Variants in MS4A7 observed in about 807,000 individuals in gnomAD.
MS4A7 encodes membrane spanning 4-domains A7.
Under a neutral mutation model 23.5 loss-of-function variants are expected in MS4A7, and 21 were observed. The observed-to-expected ratio is 0.89, with a 90% confidence interval of 0.63 to 1.29. MS4A7 has a LOEUF of 1.29. Among genes scored for constraint, MS4A7 ranks in the 50% most tolerant of loss-of-function variants. The probability of loss-of-function intolerance (pLI) is 0.00; values close to 1 mark genes in which losing one functional copy is unlikely to be tolerated. For synonymous variants in MS4A7, 111 were observed against 107.4 expected (o/e 1.03, Z -0.21); for missense variants, 263 against 274.2 (o/e 0.96, Z 0.29).
In MS4A7 at chr11:60,394,901, A is replaced by G; in HGVS notation, c.*1040A>G. On this transcript the variant is annotated 3_prime_UTR_variant, in exon 7 of 7. Coordinates refer to ENST00000300184, the MANE Select transcript of MS4A7 (RefSeq NM_021201.5). ...TGAATAAAATAAAATAAAAAAGAAT[A>G]TTCAGTCGTTGGCACATAAACTATG... 1.8e-6 allele frequency: 1 copy of G among 563,152 alleles called. No homozygotes were observed. The allele number at this position is 563,152 out of a possible 1,614,324, so 34.9% of individuals were successfully genotyped here.
chr11:60,392,997 T>A (rs2085570926), intron 6 of MS4A7, among the ~76,000 whole-genome samples: 1 of 152,160 alleles, frequency 6.6e-6, no homozygotes, highest in Non-Finnish European at 1.5e-5. Context: ...GGCACACGCC[T>A]GTAGTCCCAG....
chr11:60,391,793 C>A (rs1432360547), intron 5 of MS4A7, among the ~76,000 whole-genome samples: 1 of 151,636 alleles, frequency 6.6e-6, no homozygotes. Flanking sequence ...GTGGTACATG[C>A]CTGTAATCCT....
chr11:60,383,259 G>C lies in MS4A7; in HGVS notation c.118G>C (p.Gly40Arg). 6.2e-7 allele frequency: 1 copy of C among 1,614,044 alleles called. No individual in the cohort carries two copies. The highest frequency in any genetic ancestry group is 8.5e-7 in the Non-Finnish European group (1 of 1,179,988). Residue 40 changes from glycine to arginine, a missense_variant, in exon 2 of 7, where the codon GGG becomes CGG. By Grantham distance (125) the Gly-to-Arg change is moderately radical (BLOSUM62 -2). Coordinates refer to ENST00000300184, the MANE Select transcript of MS4A7 (RefSeq NM_021201.5). The stretch of plus-strand genomic sequence containing the variant: ...CCAAAACGAAGATTACCTGCAGAAC[G>C]GGCTGCCAACAGAAACCACCGTTCT... ...MYQNEDYLQN[G>R]LPTETTVLGT...
At position 60,382,935 on chromosome 11, in the gene MS4A7, C is replaced by T. The variant is rs149891784; in HGVS notation, c.-13-194C>T. Among the ~76,000 whole-genome samples the T allele has an allele frequency of 5.1e-3, 784 of 152,308 alleles. 6 individuals are homozygous for T. The highest frequency in any genetic ancestry group is 0.021 in the South Asian group (101 of 4,818). ...ACTCTCCCAGTGACATGCTTCTTGA[C>T]CACAATGGATGAACTGTGCCCAGCA... On this transcript the variant is annotated intron_variant, in intron 1 of 6. Coordinates refer to ENST00000300184, the MANE Select transcript of MS4A7 (RefSeq NM_021201.5).
chr11:60,381,510 ACACT>A (rs1261943150), intron 1 of MS4A7, among the ~76,000 whole-genome samples: 1 of 152,182 alleles, frequency 6.6e-6, no homozygotes, highest in African/African-American at 2.4e-5. Context: ...ACAACAAAAG[ACACT>A]CACGTGTGTC....
Position 60,389,434 on chromosome 11 carries a change from A to G in MS4A7, c.384A>G (p.Ala128=), listed in dbSNP as rs1449643135. The G allele has an allele frequency of 6.2e-7, 1 of 1,613,948 alleles. No individual in the cohort carries two copies. The highest frequency in any genetic ancestry group is 1.7e-5 in the Admixed American group (1 of 60,004). The change falls in exon 5 of 7, where the codon GCA becomes GCG. Residue 128 remains alanine (A), a synonymous_variant. Transcript: ENST00000300184. The part of the protein sequence containing the change: ...LTSNAVSSVT[A]GAGLFLLADS... ...CAAATGCAGTGAGTTCTGTTACTGC[A>G]GGAGCAGGCCTCTTCCTCCTTGCTG...
At chr11:60,385,248 G>T (rs1258986782) in intron 3 of MS4A7, 26 bp downstream of exon 3, 1 of 1,612,988 alleles carries the variant, frequency 6.2e-7, no homozygotes, top group Non-Finnish European at 8.5e-7. Context: ...ACTCTAAGAG[G>T]GGACATGCTT....
chr11:60,393,346 G>A (rs959946390), intron 6 of MS4A7, among the ~76,000 whole-genome samples: 4 of 152,144 alleles, frequency 2.6e-5, no homozygotes, highest in African/African-American at 9.7e-5. Context: ...ATGAGAACGC[G>A]TATCCCCTCA....
chr11:60,389,432 G>A lies in MS4A7; in HGVS notation c.382G>A (p.Ala128Thr). The change falls in exon 5 of 7, where the codon GCA (alanine) becomes ACA (threonine). Residue 128 changes from alanine to threonine, a missense_variant. Transcript: ENST00000300184. The part of the protein sequence containing the change: ...LTSNAVSSVT[A>T]GAGLFLLADS... ...CTCAAATGCAGTGAGTTCTGTTACTGCAGGAGCAGGCCTCTTCCTCCTTGC... is the reference window on the plus strand; with the variant it reads ...CTCAAATGCAGTGAGTTCTGTTACTACAGGAGCAGGCCTCTTCCTCCTTGC... 1 of 1,613,892 alleles carries A rather than the reference G, an allele frequency of 6.2e-7. No individual in the cohort carries two copies.
chr11:60,385,092 T>A lies in MS4A7; in HGVS notation c.152T>A (p.Val51Asp), dbSNP rs1369366036. The change falls in exon 3 of 7, where the codon GTC becomes GAC. Residue 51 changes from valine (V) to aspartate (D), a missense_variant. By Grantham distance (152) the Val-to-Asp change is radical. Transcript: ENST00000300184. ...TTCCTGTCTTCTCTCTTGTAGACTG[T>A]CCAGATCCTGTGTTGCCTGTTGATT... The part of the protein sequence containing the change: ...LPTETTVLGT[V>D]QILCCLLISS... The A allele has an allele frequency of 6.2e-7, 1 of 1,613,928 alleles. No individual in the cohort carries two copies. Among genetic ancestry groups the A allele is most frequent in the Non-Finnish European group, 8.5e-7 (1 of 1,179,786 alleles).
chr11:60,386,702 C>T lies in MS4A7; in HGVS notation c.283-15C>T. Reference sequence around the variant, plus strand: ...CAAGACAACTGAACTGATCATTTCTCTCTCTTCTGGGCAGTTTGGCATTAC... The same window carrying T: ...CAAGACAACTGAACTGATCATTTCTTTCTCTTCTGGGCAGTTTGGCATTAC... On this transcript the variant is annotated splice_polypyrimidine_tract_variant and intron_variant, in intron 3 of 6. Coordinates refer to ENST00000300184, the MANE Select transcript of MS4A7 (RefSeq NM_021201.5). 6.2e-7 allele frequency: 1 copy of T among 1,606,446 alleles called. No individual in the cohort carries two copies. Among genetic ancestry groups the T allele is most frequent in the East Asian group, 2.2e-5 (1 of 44,794 alleles).
At chr11:60,381,781 C>T (rs2085431344) in intron 1 of MS4A7, among the ~76,000 whole-genome samples, 2 of 152,042 alleles carry the variant, frequency 1.3e-5, no homozygotes, top group Non-Finnish European at 2.9e-5. Flanking sequence ...AATACCTTGC[C>T]CAGGGTGAGT....
intron 1 of MS4A7, among the ~76,000 whole-genome samples, chr11:60,380,941 T>C (rs578185809): frequency 1.3e-5 from 2 of 152,266 alleles, no homozygotes; most frequent in East Asian, 3.9e-4. Context: ...TGCCCAAATC[T>C]TGCCTCCACT....
chr11:60,386,650 G>A, intron 3 of MS4A7, 67 bp from the exon 4 acceptor site: 2 of 1,292,190 alleles, frequency 1.5e-6, no homozygotes, highest in Admixed American at 3.7e-5. Flanking sequence ...TTGAGTGATT[G>A]ACAGTGACAT....
intron 6 of MS4A7, 33 bp downstream of exon 6, chr11:60,392,819 T>C: frequency 2.1e-6 from 3 of 1,441,298 alleles, no homozygotes; most frequent in Non-Finnish European, 2.9e-6. Flanking sequence ...TGATACCTGC[T>C]GTGTCTCAGG....
rs151277960 is a variant in MS4A7 at position 60,389,211 on chromosome 11, CAT to C, written c.340-178_340-177del. The C allele has an allele frequency of 3.3e-4, 192 of 590,588 alleles. 1 individual carries two copies. Among genetic ancestry groups the C allele is most frequent in the African/African-American group, 3.1e-3 (169 of 53,706 alleles). 36.6% of individuals were successfully genotyped at this position (590,588 alleles called of 1,614,324 possible). A position where few individuals can be genotyped will look rare whatever the true frequency, so the allele number is the denominator to read the frequency against. On this transcript the variant is annotated intron_variant, in intron 4 of 6. Transcript: ENST00000300184. ...CAATAAGCATTTACTAATTATATCA[CAT>C]GATTAACTAAATAGCGACAAGAGAT...
intron 3 of MS4A7, among the ~76,000 whole-genome samples, chr11:60,385,721 C>T (rs1268671123): frequency 6.6e-6 from 1 of 152,110 alleles, no homozygotes; most frequent in Non-Finnish European, 1.5e-5. Flanking sequence ...CAGAGGTAAC[C>T]CTGAGCACTA....
In MS4A7 at chr11:60,391,357, A is replaced by G. The variant is rs189670341; in HGVS notation, c.547-1328A>G. On this transcript the variant is annotated intron_variant, in intron 5 of 6. Coordinates refer to ENST00000300184, the MANE Select transcript of MS4A7 (RefSeq NM_021201.5). ...ACTTCTAAGGTTCTAGCAGAATCAA[A>G]TCTAAAACTACTATCTAAGGAGATG... is the stretch of plus-strand genomic sequence containing the variant. 4.2e-3 allele frequency among the ~76,000 whole-genome samples: 645 copies of G among 152,288 alleles called. 1 individual carries two copies. Among genetic ancestry groups the G allele is most frequent in the African/African-American group, 0.014 (600 of 41,562 alleles).
intron 1 of MS4A7, among the ~76,000 whole-genome samples, chr11:60,380,806 G>C (rs1001798989): frequency 6.6e-6 from 1 of 152,226 alleles, no homozygotes; most frequent in Non-Finnish European, 1.5e-5. Flanking sequence ...ATATGGAACT[G>C]ATGAGTGGCA....
Sources: allele counts gnomAD v4.1 joint callset (sites outside exome capture counted in the v4.1 genomes callset), GRCh38; gene constraint gnomAD v4.1.1; transcripts MANE v1.5; gene names NCBI Gene and HGNC (gene_info 2026-07-23, HGNC 2026-07-21).